RAB2A: variants seen among roughly 807,000 people sequenced by gnomAD.
The protein encoded by RAB2A is RAB2A, member RAS oncogene family, also known as ras-related protein Rab-2A.
RAB2A carries 7 observed loss-of-function variants against 32.5 expected under a neutral mutation model. The observed-to-expected ratio is 0.22, with a 90% confidence interval of 0.12 to 0.40. RAB2A has a LOEUF of 0.40. RAB2A is among the 10% of genes least tolerant of loss of function. The probability of loss-of-function intolerance (pLI) is 1.00; values close to 1 mark genes in which losing one functional copy is unlikely to be tolerated. For missense variants in RAB2A, 108 were observed against 260.7 expected (o/e 0.41, Z 4.03); for synonymous variants, 79 against 85.2 (o/e 0.93, Z 0.40).
At chr8:60,609,997 AATTGGCCTCTC>A (rs1804311003) in intron 6 of RAB2A, among the ~76,000 whole-genome samples, 1 of 150,820 alleles carries the variant, frequency 6.6e-6, no homozygotes, top group Non-Finnish European at 1.5e-5. Context: ...CAGACAAGCA[AATTGGCCTCTC>A]ATCAGGTGCT....
At chr8:60,517,288 C>T (rs1157105318) in intron 1 of RAB2A, 35 bp downstream of exon 1, 23 of 1,471,084 alleles carry the variant, frequency 1.6e-5, no homozygotes, top group African/African-American at 5.9e-5. Flanking sequence ...CGGGTGTCGG[C>T]GGCCTCCGGA....
intron 1 of RAB2A, among the ~76,000 whole-genome samples, chr8:60,547,209 G>A: frequency 6.6e-6 from 1 of 152,036 alleles, no homozygotes; most frequent in East Asian, 1.9e-4. Flanking sequence ...ACACAGGGTT[G>A]GGGGTAAGGT....
chr8:60,549,427 T>G (rs552045034), intron 1 of RAB2A, among the ~76,000 whole-genome samples: 16 of 151,508 alleles, frequency 1.1e-4, no homozygotes, highest in African/African-American at 3.6e-4. Flanking sequence ...CACTCGCGGT[T>G]AGGAGCTGGA....
chr8:60,612,034 A>G (rs545713946), intron 6 of RAB2A, among the ~76,000 whole-genome samples: 1 of 152,290 alleles, frequency 6.6e-6, no homozygotes, highest in South Asian at 2.1e-4. Context: ...ATAGGTATAC[A>G]TGTGCCATAG....
intron 1 of RAB2A, among the ~76,000 whole-genome samples, chr8:60,534,897 C>A (rs888051865): frequency 2.6e-5 from 4 of 152,208 alleles, no homozygotes; most frequent in African/African-American, 4.8e-5. Flanking sequence ...CAATAATAAG[C>A]CTCATTCACC....
At chr8:60,582,183 A>G (rs1213392658) in intron 3 of RAB2A, among the ~76,000 whole-genome samples, 1 of 152,062 alleles carries the variant, frequency 6.6e-6, no homozygotes, top group Non-Finnish European at 1.5e-5. Flanking sequence ...TCCTGGCCTC[A>G]AGCAATACTC....
chr8:60,586,347 A>T (rs548137538), intron 5 of RAB2A, among the ~76,000 whole-genome samples: 10 of 151,796 alleles, frequency 6.6e-5, no homozygotes, highest in Non-Finnish European at 1.3e-4. Flanking sequence ...AACTAGAATA[A>T]GAGCAAATCA....
At chr8:60,611,530 C>T (rs2150437192) in intron 6 of RAB2A, among the ~76,000 whole-genome samples, 1 of 152,264 alleles carries the variant, frequency 6.6e-6, no homozygotes, top group South Asian at 2.1e-4. Flanking sequence ...CATATCTATC[C>T]TATATACCAC....
chr8:60,583,265 T>G (rs1450172327), intron 3 of RAB2A, among the ~76,000 whole-genome samples: 1 of 152,212 alleles, frequency 6.6e-6, no homozygotes, highest in East Asian at 1.9e-4. Flanking sequence ...TGGCTTTACG[T>G]TTACTTAATT....
intron 6 of RAB2A, 182 bp downstream of exon 6, chr8:60,592,151 T>A (rs1194720201): frequency 2.5e-6 from 1 of 401,680 alleles, no homozygotes; most frequent in African/African-American, 2.2e-5. Flanking sequence ...TAAATCATAT[T>A]GAGCCTTCTA....
intron 5 of RAB2A, among the ~76,000 whole-genome samples, chr8:60,585,020 T>C (rs1380032372): frequency 2.6e-5 from 4 of 152,192 alleles, no homozygotes. Flanking sequence ...TTAGAAATAG[T>C]TTTTGTGTAA....
chr8:60,608,605 C>CTTTA (rs1251049685), intron 6 of RAB2A, among the ~76,000 whole-genome samples: 1 of 144,596 alleles, frequency 6.9e-6, no homozygotes, highest in Non-Finnish European at 1.5e-5. Flanking sequence ...CTCCCTCTTC[C>CTTTA]TTTACCCCCA....
intron 6 of RAB2A, among the ~76,000 whole-genome samples, chr8:60,595,944 A>G (rs190473963): frequency 7.2e-5 from 11 of 152,360 alleles, no homozygotes; most frequent in Admixed American, 7.2e-4. Context: ...AAAATCTACA[A>G]ATACTTGGAA....
intron 3 of RAB2A, among the ~76,000 whole-genome samples, chr8:60,583,156 G>T (rs532046789): frequency 1.3e-5 from 2 of 152,086 alleles, no homozygotes; most frequent in East Asian, 3.9e-4. Context: ...TCTGAGGGTG[G>T]GAAGGGCTAA....
rs1804560991 is a variant in RAB2A at position 60,623,412 on chromosome 8, CAT to C, written c.*2645_*2646del. 6.6e-6 allele frequency: 1 copy of C among 152,154 alleles called. No homozygotes were observed. Among genetic ancestry groups the C allele is most frequent in the South Asian group, 2.1e-4 (1 of 4,818 alleles). 9.4% of individuals were successfully genotyped at this position (152,154 alleles called of 1,614,324 possible). A position where few individuals can be genotyped will look rare whatever the true frequency, so the allele number is the denominator to read the frequency against. The stretch of plus-strand genomic sequence containing the variant: ...GCAACACCTTAAACATTTATTCTGT[CAT>C]AGATAGTAAAGCCCCATCTCAGTTT... On this transcript the variant is annotated 3_prime_UTR_variant, in exon 8 of 8. Coordinates refer to ENST00000262646, the MANE Select transcript of RAB2A (RefSeq NM_002865.3).
intron 1 of RAB2A, among the ~76,000 whole-genome samples, chr8:60,547,360 A>G (rs1040880141): frequency 2.0e-5 from 3 of 152,082 alleles, no homozygotes; most frequent in African/African-American, 7.2e-5. Flanking sequence ...CCCCCTTTCT[A>G]TTCCACAAAA....
In RAB2A at chr8:60,618,623, A is replaced by G. The variant is rs773184273; in HGVS notation, c.518A>G (p.Glu173Gly). The G allele has an allele frequency of 8.3e-7, 1 of 1,198,704 alleles. No homozygotes were observed. The allele number at this position is 1,198,704 out of a possible 1,614,324, so 74.3% of individuals were successfully genotyped here. A position where few individuals can be genotyped will look rare whatever the true frequency, so the allele number is the denominator to read the frequency against. Residue 173 changes from glutamate to glycine, a missense_variant, in exon 7 of 8, where the codon GAA (glutamate) becomes GGA (glycine). Glu to Gly is a moderately conservative substitution (Grantham distance 98). Transcript: ENST00000262646. ...TAKEIYEKIQ[E>G]GVFDINNEAN... ...AAAGAAATTTATGAAAAAATTCAAG[A>G]AGGAGTCTTTGACATTAATAATGAG... is the stretch of plus-strand genomic sequence containing the variant.
intron 6 of RAB2A, among the ~76,000 whole-genome samples, chr8:60,605,926 A>T (rs918913914): frequency 1.3e-5 from 2 of 151,272 alleles, no homozygotes; most frequent in Non-Finnish European, 2.9e-5. Context: ...AGACGGGCAG[A>T]TCACCTGAGG....
At position 60,522,494 on chromosome 8, in the gene RAB2A, A is replaced by G. The variant is rs562360056; in HGVS notation, c.46+5241A>G. On this transcript the variant is annotated intron_variant, in intron 1 of 7. Coordinates refer to ENST00000262646, the MANE Select transcript of RAB2A (RefSeq NM_002865.3). ...TGGTGTTGGTGAAATGGGGCTTTTTATATTGTAGGGTCCTCCTACTTTCTT... is the reference window on the plus strand; with the variant it reads ...TGGTGTTGGTGAAATGGGGCTTTTTGTATTGTAGGGTCCTCCTACTTTCTT... 2.0e-5 allele frequency among the ~76,000 whole-genome samples: 3 copies of G among 152,338 alleles called. No individual in the cohort carries two copies. The East Asian group carries it at 5.8e-4, about 29-fold the overall frequency.
Sources: allele counts gnomAD v4.1 joint callset (sites outside exome capture counted in the v4.1 genomes callset), GRCh38; gene constraint gnomAD v4.1.1; transcripts MANE v1.5; gene names NCBI Gene and HGNC (gene_info 2026-07-23, HGNC 2026-07-21).